FAM170A: variants seen among roughly 807,000 people sequenced by gnomAD.
FAM170A encodes family with sequence similarity 170 member A.
In FAM170A, 28 loss-of-function variants were observed where a neutral mutation model predicts 36.6. That is an observed-to-expected ratio of 0.76 (90% confidence interval 0.57 to 1.05). FAM170A has a LOEUF of 1.05. FAM170A is among the 50% of genes least tolerant of loss of function. The pLI, the probability that FAM170A is intolerant of heterozygous loss-of-function variation, is 0.00. For synonymous variants in FAM170A, 156 were observed against 143.9 expected (o/e 1.08, Z -0.60); for missense variants, 434 against 396.5 (o/e 1.09, Z -0.80).
At position 119,634,740 on chromosome 5, in the gene FAM170A, C is replaced by A. The variant is rs776242014; in HGVS notation, c.986+6C>A. 5 of 1,530,348 alleles carry A rather than the reference C, an allele frequency of 3.3e-6. No homozygotes were observed. In the South Asian group the frequency reaches 6.6e-5, roughly 20 times the overall value. 94.8% of individuals were successfully genotyped at this position (1,530,348 alleles called of 1,614,324 possible). A position where few individuals can be genotyped will look rare whatever the true frequency, so the allele number is the denominator to read the frequency against. ...CATTCTCCAAAGGACAGGAAGTGAG[C>A]AAAGCCTGGGTTGTGGGTCTGCTGA... On this transcript the variant is annotated splice_donor_region_variant and intron_variant, in intron 3 of 4. Coordinates refer to ENST00000613773, the Ensembl canonical transcript of FAM170A.
exon 3 of FAM170A, chr5:119,634,702 A>T (rs1286667794): frequency 6.4e-7 from 1 of 1,551,486 alleles, no homozygotes; most frequent in South Asian, 1.3e-5. Context: ...GCCAATGTCC[A>T]GGCTGTGTGT....
chr5:119,630,884 G>C (rs1415958364), intron 1 of FAM170A, among the ~76,000 whole-genome samples: 1 of 152,224 alleles, frequency 6.6e-6, no homozygotes, highest in Non-Finnish European at 1.5e-5. Flanking sequence ...TAAAGGCCTT[G>C]TTGAAAAATA....
chr5:119,629,677 A>G lies in FAM170A; in HGVS notation c.-92A>G. Reference sequence around the variant, plus strand: ...CGTTTACTCGTACTGAATCTTTTTAATGAATTTCCTGAGAGCCAAGAAGGG... The same window carrying G: ...CGTTTACTCGTACTGAATCTTTTTAGTGAATTTCCTGAGAGCCAAGAAGGG... On this transcript the variant is annotated 5_prime_UTR_variant, in exon 1 of 5. The change abolishes an upstream ATG in the 5' untranslated region. Coordinates refer to ENST00000613773, the Ensembl canonical transcript of FAM170A. 1.0e-6 allele frequency: 1 copy of G among 958,022 alleles called. No individual in the cohort carries two copies. Among genetic ancestry groups the G allele is most frequent in the Non-Finnish European group, 1.6e-6 (1 of 607,714 alleles). The allele number at this position is 958,022 out of a possible 1,614,324, so 59.3% of individuals were successfully genotyped here.
intron 1 of FAM170A, among the ~76,000 whole-genome samples, chr5:119,632,195 A>G (rs1292110148): frequency 1.3e-5 from 2 of 152,252 alleles, no homozygotes; most frequent in African/African-American, 2.4e-5. Flanking sequence ...ATTTCTGCTT[A>G]ATGTCTGTCT....
intron 1 of FAM170A, among the ~76,000 whole-genome samples, chr5:119,631,068 G>T (rs370163903): frequency 7.2e-5 from 11 of 152,302 alleles, no homozygotes; most frequent in African/African-American, 2.6e-4. Context: ...CACAGGGTAA[G>T]GGCCTCAGAT....
At chr5:119,631,966 C>T (rs1756261863) in intron 1 of FAM170A, among the ~76,000 whole-genome samples, 2 of 152,118 alleles carry the variant, frequency 1.3e-5, no homozygotes, top group Admixed American at 1.3e-4. Context: ...TCAGATAAAC[C>T]ACCAATGATT....
At chr5:119,633,853 C>T (rs1050238731) in intron 2 of FAM170A, 107 bp from the exon 3 acceptor site, 1 of 1,385,084 alleles carries the variant, frequency 7.2e-7, no homozygotes, top group African/African-American at 1.4e-5. Flanking sequence ...TACACAGCTG[C>T]ATCTCACCAC....
At chr5:119,634,199 T>A in exon 3 of FAM170A, 1 of 1,613,856 alleles carries the variant, frequency 6.2e-7, no homozygotes, top group Non-Finnish European at 8.5e-7. Flanking sequence ...AACTTTGGAG[T>A]CCTTAGAAAA....
At chr5:119,631,636 A>G (rs995811039) in intron 1 of FAM170A, among the ~76,000 whole-genome samples, 3 of 152,142 alleles carry the variant, frequency 2.0e-5, no homozygotes, top group Admixed American at 1.3e-4. Flanking sequence ...CACAGTGGAT[A>G]TAGTTATATA....
chr5:119,634,001 C>T, exon 3 of FAM170A: 1 of 1,614,112 alleles, frequency 6.2e-7, no homozygotes, highest in Non-Finnish European at 8.5e-7. Context: ...GCCTCAATCA[C>T]CCCTGGCCCA....
At chr5:119,633,644 C>A (rs1756305170) in intron 2 of FAM170A, among the ~76,000 whole-genome samples, 1 of 152,060 alleles carries the variant, frequency 6.6e-6, no homozygotes, top group African/African-American at 2.4e-5. Flanking sequence ...CACTACCTCC[C>A]ACATTCCACA....
chr5:119,634,355 C>T (rs1484490424), exon 3 of FAM170A: 1 of 1,614,200 alleles, frequency 6.2e-7, no homozygotes, highest in South Asian at 1.1e-5. Flanking sequence ...ATCAGACAGC[C>T]TGCCAGGCTC....
intron 1 of FAM170A, among the ~76,000 whole-genome samples, chr5:119,631,151 G>C (rs184534546): frequency 1.5e-3 from 233 of 152,354 alleles, no homozygotes; most frequent in Non-Finnish European, 1.9e-3. Context: ...TATCCTGAAA[G>C]GGGGATGCTC....
intron 1 of FAM170A, among the ~76,000 whole-genome samples, chr5:119,630,517 C>T (rs1756226789): frequency 6.6e-6 from 1 of 152,076 alleles, no homozygotes; most frequent in African/African-American, 2.4e-5. Flanking sequence ...AATGTACCAC[C>T]TATGCAGTAG....
chr5:119,634,202 T>G (rs749441438), exon 3 of FAM170A: 1 of 1,614,178 alleles, frequency 6.2e-7, no homozygotes, highest in Non-Finnish European at 8.5e-7. Flanking sequence ...TTTGGAGTCC[T>G]TAGAAAAGCA....
At chr5:119,632,946 TG>T in intron 2 of FAM170A, 58 bp downstream of exon 2, 1 of 1,500,682 alleles carries the variant, frequency 6.7e-7, no homozygotes, top group Non-Finnish European at 9.0e-7. Context: ...TCATTGGGCA[TG>T]AAAATATTTG....
rs200345972 is a variant in FAM170A at position 119,633,975 on chromosome 5, A to G, written c.227A>G (p.His76Arg). The G allele has an allele frequency of 1.5e-5, 24 of 1,611,364 alleles. No individual in the cohort carries two copies. The African/African-American group carries it at 2.5e-4, about 17-fold the overall frequency. The change falls in exon 3 of 5, where the codon CAT becomes CGT. Residue 76 changes from histidine to arginine, a missense_variant. By Grantham distance (29) the His-to-Arg change is conservative (BLOSUM62 0). Coordinates refer to ENST00000613773, the Ensembl canonical transcript of FAM170A. ...CCTTTCCCAGGAATCCAGAGAATAC[A>G]TCGAGACAGCCCCCAGCCTCAATCA... is the stretch of plus-strand genomic sequence containing the variant.
At chr5:119,630,658 T>C (rs1561523200) in intron 1 of FAM170A, among the ~76,000 whole-genome samples, 1 of 152,170 alleles carries the variant, frequency 6.6e-6, no homozygotes, top group Non-Finnish European at 1.5e-5. Flanking sequence ...GAACTTTTGC[T>C]CTGGGGCTGC....
intron 1 of FAM170A, among the ~76,000 whole-genome samples, chr5:119,631,267 T>C (rs75330001): frequency 0.014 from 2,189 of 152,216 alleles, 54 homozygotes; most frequent in African/African-American, 0.05. Context: ...GACCTGTAGG[T>C]TGAGCCCTGG....
Sources: gnomAD v4.1 joint callset for allele counts (sites outside exome capture counted in the v4.1 genomes callset) on GRCh38, gnomAD v4.1.1 for gene constraint, MANE v1.5 for transcripts, NCBI Gene and HGNC (gene_info 2026-07-23, HGNC 2026-07-21) for gene names.